PAPPA: variants seen among roughly 807,000 people sequenced by gnomAD.
The protein encoded by PAPPA is pappalysin-1.
A neutral mutation model predicts 164.0 loss-of-function variants in PAPPA; 60 were observed. The observed-to-expected ratio is 0.37, with a 90% CI of 0.30 to 0.45. The LOEUF (loss-of-function observed/expected upper bound fraction) is 0.45, where lower values mean the gene tolerates loss of function less well. PAPPA is among the 20% of genes least tolerant of loss of function. PAPPA has a pLI of 1.00. For synonymous variants in PAPPA, 875 were observed against 814.1 expected (o/e 1.07, Z -1.27); for missense variants, 1,782 against 2,087.3 (o/e 0.85, Z 2.85).
chr9:116,162,645 G>A (rs1298229103), intron 1 of PAPPA, among the ~76,000 whole-genome samples: 1 of 152,140 alleles, frequency 6.6e-6, no homozygotes, highest in East Asian at 1.9e-4. Context: ...ACTTCATAGG[G>A]TTGTTTTGAA....
intron 7 of PAPPA, among the ~76,000 whole-genome samples, chr9:116,246,366 A>G (rs184342075): frequency 6.6e-6 from 1 of 152,338 alleles, no homozygotes; most frequent in Admixed American, 6.5e-5. Context: ...TACAAGTGTA[A>G]TAATTATATC....
intron 7 of PAPPA, among the ~76,000 whole-genome samples, chr9:116,251,546 G>C (rs181589275): frequency 6.6e-6 from 1 of 152,318 alleles, no homozygotes. Flanking sequence ...TCAATCACCA[G>C]CTGTCACTGG....
At chr9:116,257,761 T>G (rs191249892) in intron 7 of PAPPA, among the ~76,000 whole-genome samples, 5 of 152,088 alleles carry the variant, frequency 3.3e-5, no homozygotes. Context: ...TTATTCTTCA[T>G]CTACTGGAAA....
chr9:116,365,551 G>A (rs1166434795), intron 18 of PAPPA, among the ~76,000 whole-genome samples: 1 of 101,486 alleles, frequency 9.9e-6, no homozygotes, highest in African/African-American at 3.1e-5. Flanking sequence ...TTTGACAACC[G>A]TTTTTTTTTT....
chr9:116,388,528 AG>A (rs1846846648), intron 21 of PAPPA, among the ~76,000 whole-genome samples: 1 of 152,198 alleles, frequency 6.6e-6, no homozygotes, highest in Non-Finnish European at 1.5e-5. Flanking sequence ...TGATTCTTAT[AG>A]ATGTCTGGGG....
intron 17 of PAPPA, among the ~76,000 whole-genome samples, chr9:116,361,618 C>A (rs1392954985): frequency 6.6e-6 from 1 of 152,210 alleles, no homozygotes; most frequent in Non-Finnish European, 1.5e-5. Context: ...CTCTAAGAGG[C>A]CTTCCCTGAT....
At chr9:116,219,791 C>A (rs1362526475) in intron 4 of PAPPA, 146 bp from the exon 5 acceptor site, 10 of 622,632 alleles carry the variant, frequency 1.6e-5, no homozygotes, top group Non-Finnish European at 2.8e-5. Context: ...AGGCCATTAA[C>A]TCTTGAGAGC....
chr9:116,312,488 G>A lies in PAPPA; in HGVS notation c.3147+9538G>A, dbSNP rs150922586. Among the ~76,000 whole-genome samples the A allele has an allele frequency of 1.9e-3, 291 of 151,868 alleles. 3 individuals carry two copies. The highest frequency in any genetic ancestry group is 6.7e-3 in the African/African-American group (277 of 41,454). On this transcript the variant is annotated intron_variant, in intron 10 of 21. Transcript: ENST00000328252. ...AGCTTGCTGAGCCTGCTGCTTTGGCGGTATTGAATTTTGTCCCTAAAACCA... is the reference window on the plus strand; with the variant it reads ...AGCTTGCTGAGCCTGCTGCTTTGGCAGTATTGAATTTTGTCCCTAAAACCA...
At chr9:116,295,566 A>AAAAAAGAAAAG (rs1554749299) in intron 9 of PAPPA, among the ~76,000 whole-genome samples, 7 of 150,152 alleles carry the variant, frequency 4.7e-5, no homozygotes, top group African/African-American at 1.5e-4. Context: ...AAAAAAAAAA[A>AAAAAAGAAAAG]AAAAGAAAAG....
chr9:116,154,020 G>GA lies in PAPPA; in HGVS notation c.-150dup. On this transcript the variant is annotated 5_prime_UTR_variant, in exon 1 of 22. Coordinates refer to ENST00000328252, the MANE Select transcript of PAPPA (RefSeq NM_002581.5). This position sits in a 1 kb window ranked among gnomAD's most constrained non-coding sequence, Gnocchi z 5.2. ...AGAGTGGAGCACACACCTTGAGGAGGAAAGCGAGAAAGAAAAGAAAAAAGC... is the reference window on the plus strand; with the variant it reads ...AGAGTGGAGCACACACCTTGAGGAGGAAAAGCGAGAAAGAAAAGAAAAAAGC... 1.0e-6 allele frequency: 1 copy of GA among 985,474 alleles called. No homozygotes were observed. The allele number at this position is 985,474 out of a possible 1,614,324, so 61.0% of individuals were successfully genotyped here. A position where few individuals can be genotyped will look rare whatever the true frequency, so the allele number is the denominator to read the frequency against.
intron 7 of PAPPA, among the ~76,000 whole-genome samples, chr9:116,254,564 C>A (rs575557447): frequency 1.9e-4 from 29 of 152,104 alleles, no homozygotes; most frequent in Non-Finnish European, 3.5e-4. Context: ...GGGCGGATCA[C>A]AAGGTCAGGA....
chr9:116,254,714 G>A lies in PAPPA; in HGVS notation c.2733-11143G>A, dbSNP rs189101492. ...GGAGAATGGCGTGAACCTGGGAGGC[G>A]GAGCTTGCAGTGAGCCAAGACTGCA... is the stretch of plus-strand genomic sequence containing the variant. On this transcript the variant is annotated intron_variant, in intron 7 of 21. Coordinates refer to ENST00000328252, the MANE Select transcript of PAPPA (RefSeq NM_002581.5). Among the ~76,000 whole-genome samples the A allele has an allele frequency of 4.3e-3, 648 of 150,572 alleles. 7 individuals carry two copies. Among genetic ancestry groups the A allele is most frequent in the African/African-American group, 0.015 (619 of 40,916 alleles).
At chr9:116,222,480 A>G (rs1181364890) in intron 5 of PAPPA, among the ~76,000 whole-genome samples, 1 of 152,206 alleles carries the variant, frequency 6.6e-6, no homozygotes, top group Non-Finnish European at 1.5e-5. Context: ...GTCAAGGAGC[A>G]TCTGTATAGA....
At chr9:116,193,430 G>A (rs904073671) in intron 2 of PAPPA, among the ~76,000 whole-genome samples, 1 of 152,052 alleles carries the variant, frequency 6.6e-6, no homozygotes, top group African/African-American at 2.4e-5. Context: ...TCTGAATGAA[G>A]GACTCTCAGA....
intron 1 of PAPPA, among the ~76,000 whole-genome samples, chr9:116,179,445 C>A (rs1355604813): frequency 6.6e-6 from 1 of 152,218 alleles, no homozygotes; most frequent in African/African-American, 2.4e-5. Flanking sequence ...TGGTTACTTT[C>A]AATGCTCCTG....
intron 9 of PAPPA, among the ~76,000 whole-genome samples, chr9:116,290,247 T>G (rs570612351): frequency 6.6e-6 from 1 of 152,196 alleles, no homozygotes; most frequent in Non-Finnish European, 1.5e-5. Context: ...AGGCACACAC[T>G]TTACCTTCTG....
At chr9:116,261,125 A>G (rs1162846360) in intron 7 of PAPPA, among the ~76,000 whole-genome samples, 2 of 152,172 alleles carry the variant, frequency 1.3e-5, no homozygotes, top group Non-Finnish European at 2.9e-5. Context: ...TATTCGAGGG[A>G]TTGTTCTTTT....
intron 2 of PAPPA, among the ~76,000 whole-genome samples, chr9:116,204,018 C>T (rs1034533443): frequency 2.0e-5 from 3 of 152,094 alleles, no homozygotes; most frequent in Non-Finnish European, 4.4e-5. Context: ...GGGAGAGCCA[C>T]GCAGAGGCAG....
intron 4 of PAPPA, 90 bp downstream of exon 4, chr9:116,212,022 A>G: frequency 8.7e-7 from 1 of 1,150,202 alleles, no homozygotes; most frequent in South Asian, 1.4e-5. Flanking sequence ...CAAGCTACTT[A>G]CCATTTCTAA....
Sources: allele counts gnomAD v4.1 joint callset (sites outside exome capture counted in the v4.1 genomes callset), GRCh38; gene constraint gnomAD v4.1.1; non-coding constraint Gnocchi (gnomAD v3.1); transcripts MANE v1.5; gene names NCBI Gene and HGNC (gene_info 2026-07-23, HGNC 2026-07-21).